The following PRKX variants were observed in gnomAD, a reference collection of about 807,000 sequenced individuals.
PRKX encodes protein kinase cAMP-dependent X-linked catalytic subunit.
PRKX carries 12 observed loss-of-function variants against 22.0 expected under a neutral mutation model. The observed-to-expected ratio is 0.54, with a 90% CI of 0.35 to 0.88. The LOEUF (loss-of-function observed/expected upper bound fraction) is 0.88. Ranked by LOEUF, PRKX falls within the 40% of genes least tolerant of loss-of-function variation. The pLI is 0.01. For synonymous variants in PRKX, 134 were observed against 137.7 expected, an observed-to-expected ratio of 0.97 and a Z score of 0.19; for missense variants, 217 against 308.0, an observed-to-expected ratio of 0.70 and a Z score of 2.21.
intron 3 of PRKX, among the ~76,000 whole-genome samples, chrX:3,653,798 A>AATATATATTATATACTATGTGAT: frequency 1.6e-5 from 1 of 61,597 alleles, no homozygotes; most frequent in African/African-American, 6.1e-5. Flanking sequence ...TGATATATAT[A>AATATATATTATATACTATGTGAT]ATATATATTA....
chrX:3,640,641 C>T (rs954258724), intron 4 of PRKX, among the ~76,000 whole-genome samples: 6 of 111,693 alleles, frequency 5.4e-5, no homozygotes, highest in Admixed American at 1.9e-4. Context: ...ACAGGTATCA[C>T]AGGCGTTGGA....
chrX:3,622,941 C>T (rs1397699414), intron 5 of PRKX, among the ~76,000 whole-genome samples: 1 of 111,950 alleles, frequency 8.9e-6, no homozygotes, highest in Non-Finnish European at 1.9e-5. Flanking sequence ...GCCCCCTTAC[C>T]ACACACACTT....
intron 1 of PRKX, among the ~76,000 whole-genome samples, chrX:3,704,225 A>G (rs1384232520): frequency 1.8e-5 from 2 of 111,699 alleles, no homozygotes; most frequent in Non-Finnish European, 3.8e-5. Flanking sequence ...CCTGGAAAAA[A>G]AGGGGCCTGC....
In PRKX at chrX:3,646,798, C is replaced by A. The variant is rs900573036; in HGVS notation, c.600-4827G>T. On this transcript the variant is annotated intron_variant, in intron 3 of 8. Coordinates refer to ENST00000262848, the MANE Select transcript of PRKX (RefSeq NM_005044.5). Reference sequence around the variant, plus strand: ...CGTGAAGGGAGAAGGTGTGTGTTTGCGAGCATGGGACAGCTTCCGATGGCC... The same window carrying A: ...CGTGAAGGGAGAAGGTGTGTGTTTGAGAGCATGGGACAGCTTCCGATGGCC... Among the ~76,000 whole-genome samples the A allele has an allele frequency of 6.3e-5, 7 of 110,367 alleles. No homozygotes were observed. The Admixed American group carries it at 6.8e-4, about 11-fold the overall frequency.
intron 7 of PRKX, among the ~76,000 whole-genome samples, chrX:3,613,150 CAAAAAAAAAAAAAAAAAAA>C (rs528688936): frequency 3.5e-4 from 19 of 54,324 alleles, no homozygotes; most frequent in South Asian, 1.3e-3. Context: ...GACTTCGTCT[CAAAAAAAAAAAAAAAAAAA>C]AAAAAAAAAA....
chrX:3,624,144 T>C (rs1022644376), intron 5 of PRKX, among the ~76,000 whole-genome samples: 2 of 111,397 alleles, frequency 1.8e-5, no homozygotes, highest in Non-Finnish European at 3.8e-5. Context: ...GGAGGATCAG[T>C]TGAGCCCAGG....
At chrX:3,609,838 A>AT (rs1926257705) in intron 8 of PRKX, among the ~76,000 whole-genome samples, 1 of 112,094 alleles carries the variant, frequency 8.9e-6, no homozygotes, top group South Asian at 3.8e-4. Flanking sequence ...GAAAAATGGG[A>AT]TCCCCAATTC....
At chrX:3,703,861 C>T (rs183761507) in intron 1 of PRKX, among the ~76,000 whole-genome samples, 5 of 108,477 alleles carry the variant, frequency 4.6e-5, no homozygotes, top group Non-Finnish European at 9.5e-5. Flanking sequence ...TGGGTACAAA[C>T]GGGGTTTTGT....
At chrX:3,616,027 G>A in intron 6 of PRKX, 135 bp from the exon 7 acceptor site, 3 of 553,004 alleles carry the variant, frequency 5.4e-6, no homozygotes, top group Non-Finnish European at 8.9e-6. Context: ...GGAGAACTGT[G>A]CCTGGAGGGT....
intron 1 of PRKX, among the ~76,000 whole-genome samples, chrX:3,711,340 C>A (rs1029628138): frequency 1.8e-5 from 2 of 111,268 alleles, no homozygotes; most frequent in Non-Finnish European, 3.8e-5. Context: ...CCCCGCCCAG[C>A]CAGCTTGGTC....
chrX:3,705,056 C>A lies in PRKX; in HGVS notation c.166+8032G>T, dbSNP rs146447629. 3.2e-3 allele frequency among the ~76,000 whole-genome samples: 353 copies of A among 111,771 alleles called. 2 individuals are homozygous for A. The highest frequency in any genetic ancestry group is 0.011 in the African/African-American group (339 of 30,760). Reference sequence around the variant, plus strand: ...AGCTGCCTTTCCATGGACCCTGCCGCGTGGGGTGAATAGAGCCCCATCTAA... The same window carrying A: ...AGCTGCCTTTCCATGGACCCTGCCGAGTGGGGTGAATAGAGCCCCATCTAA... On this transcript the variant is annotated intron_variant, in intron 1 of 8. Coordinates refer to ENST00000262848, the MANE Select transcript of PRKX (RefSeq NM_005044.5).
intron 2 of PRKX, among the ~76,000 whole-genome samples, chrX:3,667,724 C>A (rs769721103): frequency 1.8e-5 from 2 of 110,988 alleles, no homozygotes; most frequent in South Asian, 7.8e-4. Flanking sequence ...TTCCTCATAC[C>A]CCAGTCCCCA....
At chrX:3,688,688 C>A (rs1228718671) in intron 1 of PRKX, among the ~76,000 whole-genome samples, 1 of 109,736 alleles carries the variant, frequency 9.1e-6, no homozygotes, top group Admixed American at 9.9e-5. Flanking sequence ...CATAGCCAGA[C>A]ACCATCTATA....
chrX:3,666,641 T>A (rs1927736015), intron 2 of PRKX, among the ~76,000 whole-genome samples: 1 of 111,001 alleles, frequency 9.0e-6, no homozygotes, highest in South Asian at 3.8e-4. Flanking sequence ...CATGGTGGCA[T>A]GTGCCTATAG....
At chrX:3,700,814 A>G (rs750056459) in intron 1 of PRKX, among the ~76,000 whole-genome samples, 11 of 110,785 alleles carry the variant, frequency 9.9e-5, no homozygotes, top group African/African-American at 3.3e-4. Flanking sequence ...GCTAGAGGCT[A>G]GTCTCGAACC....
intron 1 of PRKX, among the ~76,000 whole-genome samples, chrX:3,685,008 G>T (rs756607300): frequency 1.1e-3 from 122 of 111,020 alleles, no homozygotes; most frequent in Middle Eastern, 4.7e-3. Flanking sequence ...GTAGAGATGG[G>T]GTTTAACCAT....
At chrX:3,616,541 T>C (rs1332092448) in intron 6 of PRKX, among the ~76,000 whole-genome samples, 1 of 111,725 alleles carries the variant, frequency 9.0e-6, no homozygotes, top group Non-Finnish European at 1.9e-5. Flanking sequence ...CTTATACTTG[T>C]AGTGATGTCG....
intron 1 of PRKX, among the ~76,000 whole-genome samples, chrX:3,696,894 C>A (rs1426156572): frequency 8.9e-6 from 1 of 112,082 alleles, no homozygotes; most frequent in African/African-American, 3.2e-5. Flanking sequence ...GTGGCATGTG[C>A]CTGTAATCCC....
intron 1 of PRKX, among the ~76,000 whole-genome samples, chrX:3,693,282 G>A (rs1017722034): frequency 1.8e-5 from 2 of 111,624 alleles, no homozygotes; most frequent in African/African-American, 6.5e-5. Context: ...GGTCAGGGAA[G>A]GCCTCTTTAA....
Sources: allele counts gnomAD v4.1 joint callset (sites outside exome capture counted in the v4.1 genomes callset), GRCh38; gene constraint gnomAD v4.1.1; transcripts MANE v1.5; gene names NCBI Gene and HGNC (gene_info 2026-07-23, HGNC 2026-07-21).